HEMK2: variants seen among roughly 807,000 people sequenced by gnomAD.
The protein encoded by HEMK2 is methyltransferase HEMK2.
chr21:28,601,306 A>G, the HEMK2 span, among the ~76,000 whole-genome samples: 1 of 152,194 alleles, frequency 6.6e-6, no homozygotes, highest in Admixed American at 6.5e-5. Context: ...CTAAGCCAGT[A>G]GCATCCTCAC....
At chr21:28,600,158 T>G in the HEMK2 span, among the ~76,000 whole-genome samples, 2 of 152,238 alleles carry the variant, frequency 1.3e-5, no homozygotes, top group Non-Finnish European at 2.9e-5. Flanking sequence ...GTGGGGACTC[T>G]GTGTGGGGGC....
At chr21:28,804,819 G>C in the HEMK2 span, among the ~76,000 whole-genome samples, 2 of 152,148 alleles carry the variant, frequency 1.3e-5, no homozygotes, top group Non-Finnish European at 2.9e-5. Context: ...TATCAAAAGG[G>C]CTGGGAAGAA....
At chr21:28,827,468 G>A in the HEMK2 span, among the ~76,000 whole-genome samples, 1 of 152,296 alleles carries the variant, frequency 6.6e-6, no homozygotes, top group African/African-American at 2.4e-5. Flanking sequence ...CTACCATTTA[G>A]TGATACCTAC....
the HEMK2 span, among the ~76,000 whole-genome samples, chr21:28,674,396 C>A: frequency 6.6e-6 from 1 of 152,178 alleles, no homozygotes; most frequent in Non-Finnish European, 1.5e-5. Context: ...AATTCTTTCT[C>A]GCTCAAGATC....
the HEMK2 span, among the ~76,000 whole-genome samples, chr21:28,814,008 T>G: frequency 2.0e-3 from 298 of 152,108 alleles, 4 homozygotes; most frequent in African/African-American, 7.0e-3. Flanking sequence ...GCGGCTGAGG[T>G]GAGCGGATCA....
At chr21:28,863,987 C>T in the HEMK2 span, among the ~76,000 whole-genome samples, 1 of 152,074 alleles carries the variant, frequency 6.6e-6, no homozygotes, top group African/African-American at 2.4e-5. Context: ...ACCACCACGC[C>T]TGGCTAATTT....
chr21:28,588,921 T>C, the HEMK2 span, among the ~76,000 whole-genome samples: 2 of 147,808 alleles, frequency 1.4e-5, no homozygotes, highest in Non-Finnish European at 3.0e-5. Context: ...AGGCAGAGCT[T>C]GCAGTGAGCA....
chr21:28,821,042 T>C, the HEMK2 span, among the ~76,000 whole-genome samples: 1 of 152,248 alleles, frequency 6.6e-6, no homozygotes, highest in Non-Finnish European at 1.5e-5. Flanking sequence ...TTCTTATATT[T>C]ATACTTCTGT....
the HEMK2 span, among the ~76,000 whole-genome samples, chr21:28,809,794 A>C: frequency 6.6e-6 from 1 of 152,204 alleles, no homozygotes; most frequent in African/African-American, 2.4e-5. Flanking sequence ...AAATATATTA[A>C]TTACAGAGTA....
At chr21:28,767,430 A>G in the HEMK2 span, among the ~76,000 whole-genome samples, 1 of 152,090 alleles carries the variant, frequency 6.6e-6, no homozygotes, top group Non-Finnish European at 1.5e-5. Context: ...GATTTAAAAA[A>G]AAAAAGAATT....
chr21:28,632,245 A>AT, the HEMK2 span, among the ~76,000 whole-genome samples: 3 of 152,242 alleles, frequency 2.0e-5, no homozygotes, highest in African/African-American at 7.2e-5. Context: ...TCAAACTTAA[A>AT]TGTGCATACA....
chr21:28,732,673 T>C, the HEMK2 span, among the ~76,000 whole-genome samples: 2 of 152,146 alleles, frequency 1.3e-5, no homozygotes, highest in African/African-American at 4.8e-5. Context: ...AAGGAACTTG[T>C]GTAAATAATG....
chr21:28,878,470 A>C, the HEMK2 span: 2 of 866,188 alleles, frequency 2.3e-6, no homozygotes, highest in Non-Finnish European at 3.6e-6. Context: ...AGTCAAGTTG[A>C]ATCTAAGTTT....
At chr21:28,805,212 T>C in the HEMK2 span, among the ~76,000 whole-genome samples, 12,901 of 152,200 alleles carry the variant, frequency 0.085, 1,287 homozygotes, top group African/African-American at 0.23. Flanking sequence ...CACTGGGCCA[T>C]GCCAAATCCC....
the HEMK2 span, among the ~76,000 whole-genome samples, chr21:28,736,819 C>T: frequency 6.6e-6 from 1 of 151,302 alleles, no homozygotes; most frequent in Admixed American, 6.6e-5. Flanking sequence ...ATGAGACAGG[C>T]AGGTGCGAAA....
the HEMK2 span, among the ~76,000 whole-genome samples, chr21:28,753,256 C>T: frequency 2.8e-3 from 428 of 150,824 alleles, 5 homozygotes; most frequent in African/African-American, 9.4e-3. Flanking sequence ...ACTTGGGAGG[C>T]GGAGGCAGGA....
At chr21:28,628,172 T>C in the HEMK2 span, among the ~76,000 whole-genome samples, 21 of 151,798 alleles carry the variant, frequency 1.4e-4, no homozygotes, top group Admixed American at 2.6e-4. Context: ...AACAATAGCA[T>C]ATGTATCTAC....
chr21:28,797,614 CA>C, the HEMK2 span, among the ~76,000 whole-genome samples: 1 of 146,586 alleles, frequency 6.8e-6, no homozygotes. Flanking sequence ...GACTCTGTCT[CA>C]AAAAAAAAGA....
chr21:28,762,749 CATGTT>C, the HEMK2 span, among the ~76,000 whole-genome samples: 5 of 152,080 alleles, frequency 3.3e-5, no homozygotes, highest in African/African-American at 1.2e-4. Context: ...CCCCTTCTAC[CATGTT>C]ATGATGCAGC....
Sources: gnomAD v4.1 joint callset for allele counts (sites outside exome capture counted in the v4.1 genomes callset) on GRCh38, gnomAD v4.1.1 for gene constraint, MANE v1.5 for transcripts, NCBI Gene and HGNC (gene_info 2026-07-23, HGNC 2026-07-21) for gene names.